The following ATRX variants were observed in gnomAD, a reference collection of about 807,000 sequenced individuals.
ATRX encodes the protein ATRX chromatin remodeler, also known as chromatin remodeler ATRX.
Under a neutral mutation model 172.6 loss-of-function variants are expected in ATRX, and 12 were observed. The ratio of observed to expected loss-of-function variants is 0.07; its 90% CI spans 0.04 to 0.11. The LOEUF is 0.11. Among genes scored for constraint, ATRX ranks in the 10% least tolerant of loss-of-function variants. The pLI is 1.00. For synonymous variants in ATRX, 674 were observed against 594.7 expected, an observed-to-expected ratio of 1.13 and a Z score of -1.94; for missense variants, 1,368 against 1,767.4, an observed-to-expected ratio of 0.77 and a Z score of 4.05.
Position 77,508,169 on chromosome X carries a change from A to C in ATRX, c.*182T>G, listed in dbSNP as rs2147644479. The C allele has an allele frequency of 2.0e-6, 1 of 488,603 alleles. No homozygotes were observed. 40.3% of individuals were successfully genotyped at this position (488,603 alleles called of 1,213,427 possible). On this transcript the variant is annotated 3_prime_UTR_variant, in exon 35 of 35. Coordinates refer to ENST00000373344, the MANE Select transcript of ATRX (RefSeq NM_000489.6). Reference sequence around the variant, plus strand: ...AAGAAGATTCTAGGCAACATCACTGACAAATGTCAGGAAGAAATGGTATGC... The same window carrying C: ...AAGAAGATTCTAGGCAACATCACTGCCAAATGTCAGGAAGAAATGGTATGC...
At chrX:77,680,956 G>T (rs782761010) in intron 9 of ATRX, among the ~76,000 whole-genome samples, 2 of 111,362 alleles carry the variant, frequency 1.8e-5, no homozygotes, top group Admixed American at 9.6e-5. Context: ...CTAATGTTTG[G>T]ATTTTCTTCC....
At chrX:77,721,005 T>C (rs1461852978) in intron 1 of ATRX, among the ~76,000 whole-genome samples, 2 of 112,053 alleles carry the variant, frequency 1.8e-5, no homozygotes, top group South Asian at 3.7e-4. Context: ...ATCCCTGTGA[T>C]ACACAGCTGG....
chrX:77,783,496 C>T (rs2076634109), intron 1 of ATRX, among the ~76,000 whole-genome samples: 1 of 111,735 alleles, frequency 8.9e-6, no homozygotes, highest in Non-Finnish European at 1.9e-5. Flanking sequence ...GGCCATTTTT[C>T]CACCACAGAA....
chrX:77,593,394 G>A (rs1024832220), intron 26 of ATRX, among the ~76,000 whole-genome samples: 2 of 111,207 alleles, frequency 1.8e-5, no homozygotes, highest in Admixed American at 9.6e-5. Flanking sequence ...TACATAAACC[G>A]AAAAATGATT....
intron 12 of ATRX, among the ~76,000 whole-genome samples, chrX:77,660,479 G>A (rs1476616829): frequency 1.8e-5 from 2 of 109,746 alleles, no homozygotes; most frequent in Admixed American, 9.8e-5. Context: ...GCAGGAGAAT[G>A]GCATGAACCC....
intron 28 of ATRX, among the ~76,000 whole-genome samples, chrX:77,560,181 A>G (rs906583981): frequency 1.3e-4 from 14 of 111,405 alleles, no homozygotes; most frequent in African/African-American, 4.6e-4. Flanking sequence ...TCTGTTTTTT[A>G]AAAATATGTA....
chrX:77,731,073 C>T (rs1481923906), intron 1 of ATRX, among the ~76,000 whole-genome samples: 4 of 102,532 alleles, frequency 3.9e-5, no homozygotes, highest in African/African-American at 1.4e-4. Context: ...ATTTAAAAAC[C>T]TTTGGCCAGA....
chrX:77,592,551 G>A (rs571363529), intron 26 of ATRX, among the ~76,000 whole-genome samples: 7 of 109,393 alleles, frequency 6.4e-5, no homozygotes, highest in Middle Eastern at 5.0e-3. Flanking sequence ...GGTGTCTCAC[G>A]CCTGTAATCC....
chrX:77,524,573 G>GT (rs1418738020), intron 30 of ATRX, among the ~76,000 whole-genome samples: 1 of 110,108 alleles, frequency 9.1e-6, no homozygotes, highest in East Asian at 2.8e-4. Context: ...GAGGCCCCAG[G>GT]TTTTTTTTCT....
chrX:77,626,467 CTA>C (rs1557103018), intron 19 of ATRX, among the ~76,000 whole-genome samples: 2 of 111,236 alleles, frequency 1.8e-5, no homozygotes, highest in African/African-American at 6.5e-5. Context: ...ATGTATATCT[CTA>C]TGTGCAAACC....
chrX:77,627,854 A>G (rs1386096490), intron 19 of ATRX, among the ~76,000 whole-genome samples: 1 of 111,083 alleles, frequency 9.0e-6, no homozygotes, highest in Non-Finnish European at 1.9e-5. Flanking sequence ...TAACAGAATG[A>G]GATCCCCATC....
intron 20 of ATRX, 140 bp from the exon 21 acceptor site, chrX:77,619,121 A>T (rs2067478246): frequency 2.2e-6 from 1 of 457,749 alleles, no homozygotes; most frequent in Non-Finnish European, 3.7e-6. Flanking sequence ...TAAGTATAGA[A>T]TAAACATGGT....
At chrX:77,641,257 A>T (rs2068638529) in intron 15 of ATRX, among the ~76,000 whole-genome samples, 1 of 111,416 alleles carries the variant, frequency 9.0e-6, no homozygotes, top group Non-Finnish European at 1.9e-5. Context: ...AAATAGGCAG[A>T]CAAGTAAAGT....
chrX:77,649,690 A>T (rs1421273536), intron 15 of ATRX, among the ~76,000 whole-genome samples: 1 of 111,533 alleles, frequency 9.0e-6, no homozygotes, highest in Non-Finnish European at 1.9e-5. Context: ...GTCTCACAAG[A>T]TCTATAGTTT....
intron 13 of ATRX, among the ~76,000 whole-genome samples, chrX:77,655,402 C>G (rs1428630588): frequency 1.8e-5 from 2 of 109,669 alleles, no homozygotes; most frequent in Admixed American, 9.7e-5. Context: ...ATGGATGAAC[C>G]ATGAAAACAT....
intron 34 of ATRX, among the ~76,000 whole-genome samples, chrX:77,517,390 A>G (rs918304053): frequency 8.9e-6 from 1 of 111,805 alleles, no homozygotes; most frequent in Non-Finnish European, 1.9e-5. Flanking sequence ...GGCTCCTATG[A>G]CAAACTACAT....
At chrX:77,751,952 T>A (rs2075317887) in intron 1 of ATRX, among the ~76,000 whole-genome samples, 1 of 111,872 alleles carries the variant, frequency 8.9e-6, no homozygotes, top group Non-Finnish European at 1.9e-5. Flanking sequence ...GGTAGCAGGA[T>A]GCCTCCAGCT....
chrX:77,624,894 C>G (rs1020785046), intron 19 of ATRX, among the ~76,000 whole-genome samples: 48 of 111,410 alleles, frequency 4.3e-4, no homozygotes, highest in Admixed American at 8.6e-4. Context: ...AAAAACAATT[C>G]TAAAATTCAT....
At chrX:77,613,585 A>G (rs2067245840) in intron 22 of ATRX, among the ~76,000 whole-genome samples, 1 of 112,322 alleles carries the variant, frequency 8.9e-6, no homozygotes, top group Non-Finnish European at 1.9e-5. Context: ...TGTGAAACCT[A>G]TGTTTGACTT....
Sources: gnomAD v4.1 joint callset for allele counts (sites outside exome capture counted in the v4.1 genomes callset) on GRCh38, gnomAD v4.1.1 for gene constraint, MANE v1.5 for transcripts, NCBI Gene and HGNC (gene_info 2026-07-23, HGNC 2026-07-21) for gene names.